The following ZNF280D variants were observed in gnomAD, a reference collection of about 807,000 sequenced individuals.
ZNF280D encodes the protein zinc finger protein 280D.
A neutral mutation model predicts 94.7 loss-of-function variants in ZNF280D; 39 were observed. That is an observed-to-expected ratio of 0.41 (90% CI 0.32 to 0.54). The LOEUF (loss-of-function observed/expected upper bound fraction) is 0.54. Among genes scored for constraint, ZNF280D ranks in the 20% least tolerant of loss-of-function variants. The pLI is 0.22. For missense variants in ZNF280D, 1,090 were observed against 1,149.3 expected (o/e 0.95, Z 0.75); for synonymous variants, 398 against 377.6 (o/e 1.05, Z -0.63).
chr15:56,686,191 G>T (rs2414482), intron 9 of ZNF280D, among the ~76,000 whole-genome samples: 150,690 of 152,328 alleles, frequency 0.99, 74,563 homozygotes, highest in Middle Eastern at 1. Flanking sequence ...CAGGCTGGAG[G>T]GCAGTGGTGC....
At position 56,640,679 on chromosome 15, in the gene ZNF280D, T is replaced by TA. The variant is rs558097000; in HGVS notation, c.2259+2272dup. On this transcript the variant is annotated intron_variant, in intron 20 of 21. Coordinates refer to ENST00000267807, the MANE Select transcript of ZNF280D (RefSeq NM_017661.4). The stretch of plus-strand genomic sequence containing the variant: ...ATTTCTCTTGAACAAGTGACAATCA[T>TA]AAAAAAATGTTATATTAACTTCAGT... 5.3e-5 allele frequency among the ~76,000 whole-genome samples: 8 copies of TA among 152,204 alleles called. No homozygotes were observed. In the South Asian group the frequency reaches 1.4e-3, roughly 28 times the overall value.
intron 1 of ZNF280D, among the ~76,000 whole-genome samples, chr15:56,723,612 C>T (rs1428154961): frequency 9.2e-5 from 14 of 152,110 alleles, no homozygotes; most frequent in African/African-American, 3.4e-4. Flanking sequence ...GATCTTGAAT[C>T]CCTGGAGGTT....
chr15:56,696,407 T>C (rs1834604986), intron 6 of ZNF280D, among the ~76,000 whole-genome samples: 1 of 152,236 alleles, frequency 6.6e-6, no homozygotes, highest in African/African-American at 2.4e-5. Context: ...TTCCTCATTT[T>C]ATAAATAGGT....
chr15:56,667,719 GT>G (rs1281082239), intron 14 of ZNF280D, among the ~76,000 whole-genome samples: 1 of 152,116 alleles, frequency 6.6e-6, no homozygotes, highest in Admixed American at 6.6e-5. Context: ...ATGTGCTTGG[GT>G]AACATACAAT....
intron 1 of ZNF280D, among the ~76,000 whole-genome samples, chr15:56,716,410 G>A (rs1008745913): frequency 3.3e-5 from 5 of 151,846 alleles, no homozygotes; most frequent in African/African-American, 1.2e-4. Flanking sequence ...GGAGAAGGAA[G>A]GGAGGATTCC....
chr15:56,705,428 G>A (rs2057346615), intron 3 of ZNF280D, among the ~76,000 whole-genome samples: 1 of 152,178 alleles, frequency 6.6e-6, no homozygotes, highest in Admixed American at 6.5e-5. Context: ...AGCAAAGAGA[G>A]CAGAGAGCTG....
At chr15:56,710,003 A>T (rs1401136395) in intron 1 of ZNF280D, among the ~76,000 whole-genome samples, 1 of 151,952 alleles carries the variant, frequency 6.6e-6, no homozygotes, top group Non-Finnish European at 1.5e-5. Flanking sequence ...AACTTAAAGT[A>T]TAATAAAATA....
At chr15:56,709,857 G>A (rs772445047) in intron 1 of ZNF280D, among the ~76,000 whole-genome samples, 28 of 152,148 alleles carry the variant, frequency 1.8e-4, no homozygotes, top group East Asian at 3.9e-4. Flanking sequence ...GGGGCCTGTC[G>A]TTGGGTGGGG....
At chr15:56,668,228 T>C (rs1267991247) in intron 14 of ZNF280D, 1 of 445,178 alleles carries the variant, frequency 2.2e-6, no homozygotes, top group Non-Finnish European at 4.5e-6. Context: ...CTGGAGCAAA[T>C]ATTCAAGAGC....
intron 21 of ZNF280D, 109 bp downstream of exon 21, chr15:56,635,086 A>G: frequency 1.8e-6 from 1 of 548,814 alleles, no homozygotes; most frequent in Non-Finnish European, 3.0e-6. Context: ...AAATAGCACT[A>G]TATACAAACA....
At chr15:56,719,388 T>G (rs2058220671) in intron 1 of ZNF280D, among the ~76,000 whole-genome samples, 1 of 151,996 alleles carries the variant, frequency 6.6e-6, no homozygotes, top group Non-Finnish European at 1.5e-5. Flanking sequence ...CCCTCCTCTT[T>G]CGCTTCCTCT....
chr15:56,692,048 G>A (rs984509195), intron 7 of ZNF280D, among the ~76,000 whole-genome samples: 1 of 152,068 alleles, frequency 6.6e-6, no homozygotes, highest in South Asian at 2.1e-4. Flanking sequence ...TATACAGAAA[G>A]AATAGGAGTC....
chr15:56,680,083 G>A (rs1208744337), intron 10 of ZNF280D, among the ~76,000 whole-genome samples: 2 of 152,094 alleles, frequency 1.3e-5, no homozygotes, highest in African/African-American at 4.8e-5. Flanking sequence ...AGAAATGAGG[G>A]AAACAGCAAA....
intron 13 of ZNF280D, 60 bp from the exon 14 acceptor site, chr15:56,669,017 T>C: frequency 6.7e-7 from 1 of 1,500,434 alleles, no homozygotes; most frequent in Non-Finnish European, 9.0e-7. Flanking sequence ...AAATCCTGTG[T>C]CCTGAAACTG....
chr15:56,689,915 T>C (rs2056324619), intron 7 of ZNF280D, among the ~76,000 whole-genome samples: 1 of 152,232 alleles, frequency 6.6e-6, no homozygotes, highest in African/African-American at 2.4e-5. Flanking sequence ...TAAGATGCTT[T>C]TTTCAATTTA....
chr15:56,723,701 C>T (rs1221205327), intron 1 of ZNF280D, among the ~76,000 whole-genome samples: 1 of 152,122 alleles, frequency 6.6e-6, no homozygotes, highest in Non-Finnish European at 1.5e-5. Context: ...ATTTCCCACA[C>T]CATCCTTGCC....
intron 6 of ZNF280D, among the ~76,000 whole-genome samples, chr15:56,693,961 T>C (rs1363651945): frequency 6.6e-6 from 1 of 151,954 alleles, no homozygotes; most frequent in African/African-American, 2.4e-5. Flanking sequence ...AACCGGTCAG[T>C]AGAGTGAACA....
chr15:56,668,281 G>A (rs1315435459), intron 14 of ZNF280D: 2 of 381,932 alleles, frequency 5.2e-6, no homozygotes, highest in South Asian at 1.9e-5. Context: ...TGTACATAAG[G>A]CAAAAAGGGA....
chr15:56,669,025 C>T, intron 13 of ZNF280D, 68 bp from the exon 14 acceptor site: 30 of 1,449,540 alleles, frequency 2.1e-5, no homozygotes, highest in Non-Finnish European at 2.8e-5. Flanking sequence ...TGTCCTGAAA[C>T]TGCTGACTTA....
Sources: gnomAD v4.1 joint callset for allele counts (sites outside exome capture counted in the v4.1 genomes callset) on GRCh38, gnomAD v4.1.1 for gene constraint, MANE v1.5 for transcripts, NCBI Gene and HGNC (gene_info 2026-07-23, HGNC 2026-07-21) for gene names.